TREM2: variants seen among roughly 807,000 people sequenced by gnomAD.
TREM2 encodes the protein triggering receptor expressed on myeloid cells 2, also known as triggering receptor expressed on monocytes 2.
TREM2 carries 20 observed loss-of-function variants against 22.9 expected under a neutral mutation model. That is an observed-to-expected ratio of 0.87 (90% confidence interval 0.61 to 1.27). TREM2 has a LOEUF of 1.27. Among genes scored for constraint, TREM2 ranks in the 50% most tolerant of loss-of-function variants. The pLI is 0.00. For missense variants in TREM2, 267 were observed against 289.0 expected (o/e 0.92, Z 0.55); for synonymous variants, 111 against 120.9 (o/e 0.92, Z 0.54).
At position 41,161,343 on chromosome 6, in the gene TREM2, T is replaced by C. The variant is rs1409131974; in HGVS notation, c.311A>G (p.Asp104Gly). 5 of 1,614,192 alleles carry C rather than the reference T, an allele frequency of 3.1e-6. No homozygotes were observed. The highest frequency in any genetic ancestry group is 4.2e-6 in the Non-Finnish European group (5 of 1,180,036). The change falls in exon 2 of 5, where the codon GAT becomes GGT. Residue 104 changes from aspartate (D) to glycine (G), a missense_variant. Asp to Gly is a moderately conservative substitution (Grantham distance 94). Coordinates refer to ENST00000373113, the MANE Select transcript of TREM2 (RefSeq NM_018965.4). ...TITLRNLQPHDAGLYQCQSLH... is the reference protein window; with the variant it reads ...TITLRNLQPHGAGLYQCQSLH... ...GCTCTGGCACTGGTAGAGACCCGCA[T>C]CATGGGGTTGTAGATTCCGCAGCGT...
chr6:41,159,837 TC>T lies in TREM2; in HGVS notation c.436del (p.Glu146SerfsTer43). 1 of 1,613,982 alleles carries T rather than the reference TC, an allele frequency of 6.2e-7. No homozygotes were observed. Among genetic ancestry groups the T allele is most frequent in the Non-Finnish European group, 8.5e-7 (1 of 1,179,990 alleles). ...ATGGGCATCCTCGAAGCTCTCAGAC[TC>T]CCCGGGGAACCAGAGATCTCCAGCA... ...RDAGDLWFPG[E>X]SESFEDAHVE... On this transcript the variant is annotated frameshift_variant, in exon 3 of 5. Transcript: ENST00000373113. LOFTEE classifies it high-confidence loss of function.
At chr6:41,158,844 C>CCCTTGATG in intron 4 of TREM2, 29 bp downstream of exon 4, 1 of 1,614,234 alleles carries the variant, frequency 6.2e-7, no homozygotes, top group East Asian at 2.2e-5. Flanking sequence ...GCCCAGTCCA[C>CCCTTGATG]CCTTGATGGC....
intron 3 of TREM2, 130 bp from the exon 4 acceptor site, chr6:41,159,196 G>T: frequency 8.8e-7 from 1 of 1,139,284 alleles, no homozygotes. Context: ...TCCCTGGGAT[G>T]GGCCTTTTTG....
Position 41,162,978 on chromosome 6 carries a change from C to T in TREM2, c.40+65G>A, listed in dbSNP as rs543651686. The T allele has an allele frequency of 2.4e-4, 388 of 1,610,626 alleles. 3 individuals are homozygous for T. The South Asian group carries it at 3.8e-3, about 16-fold the overall frequency. On this transcript the variant is annotated intron_variant, in intron 1 of 4. Coordinates refer to ENST00000373113, the MANE Select transcript of TREM2 (RefSeq NM_018965.4). ...ATAATTCACCCCAGGGCCCACCACC[C>T]GCGCCCCAACCACATGCTCAAAGTG...
chr6:41,160,001 CA>C lies in TREM2; in HGVS notation c.392-120del. ...CCCTGGGCACTGGTCCTATGTGGAT[CA>C]GGTCATTACACTCCATAAGCCTCAG... On this transcript the variant is annotated intron_variant, in intron 2 of 4. Coordinates refer to ENST00000373113, the MANE Select transcript of TREM2 (RefSeq NM_018965.4). 4 of 740,986 alleles carry C rather than the reference CA, an allele frequency of 5.4e-6. No homozygotes were observed. In the Admixed American group the frequency reaches 6.1e-5, roughly 11 times the overall value. 45.9% of individuals were successfully genotyped at this position (740,986 alleles called of 1,614,324 possible). A position where few individuals can be genotyped will look rare whatever the true frequency, so the allele number is the denominator to read the frequency against.
intron 1 of TREM2, among the ~76,000 whole-genome samples, chr6:41,162,462 G>T: frequency 6.6e-6 from 1 of 152,174 alleles, no homozygotes; most frequent in Non-Finnish European, 1.5e-5. Flanking sequence ...TGCTCTGGGG[G>T]AGCAAAAGGT....
chr6:41,158,684 TG>T lies in TREM2; in HGVS notation c.*79del. On this transcript the variant is annotated 3_prime_UTR_variant, in exon 5 of 5. Coordinates refer to ENST00000373113, the MANE Select transcript of TREM2 (RefSeq NM_018965.4). ...CTTGCCAGAGCAGAACAAGGAGTCC[TG>T]GTGGCCAAGTGGCAAGTATGCAGGC... The T allele has an allele frequency of 6.2e-7, 1 of 1,613,874 alleles. No homozygotes were observed. Among genetic ancestry groups the T allele is most frequent in the South Asian group, 1.1e-5 (1 of 90,990 alleles).
Position 41,158,690 on chromosome 6 carries a change from C to A in TREM2, c.*74G>T, listed in dbSNP as rs749732493. The A allele has an allele frequency of 6.2e-7, 1 of 1,613,988 alleles. No homozygotes were observed. Among genetic ancestry groups the A allele is most frequent in the Non-Finnish European group, 8.5e-7 (1 of 1,179,942 alleles). The stretch of plus-strand genomic sequence containing the variant: ...AGAGCAGAACAAGGAGTCCTGGTGG[C>A]CAAGTGGCAAGTATGCAGGCTGGGC... On this transcript the variant is annotated 3_prime_UTR_variant, in exon 5 of 5. Coordinates refer to ENST00000373113, the MANE Select transcript of TREM2 (RefSeq NM_018965.4).
At chr6:41,161,715 CT>C in intron 1 of TREM2, 102 bp from the exon 2 acceptor site, 1 of 990,060 alleles carries the variant, frequency 1.0e-6, no homozygotes, top group African/African-American at 1.6e-5. Flanking sequence ...CCTGAAGGAG[CT>C]TAGGTTCTTA....
chr6:41,161,603 T>C lies in TREM2; in HGVS notation c.51A>G (p.Gly17=), dbSNP rs553407586. ...LILLFVTELS[G]AHNTTVFQGV... Reference sequence around the variant, plus strand: ...CCTGGAACACTGTGGTGTTGTGGGCTCCGGACAGCTCTGGGGAGGAGACAT... The same window carrying C: ...CCTGGAACACTGTGGTGTTGTGGGCCCCGGACAGCTCTGGGGAGGAGACAT... Residue 17 remains glycine, a synonymous_variant, in exon 2 of 5, where the codon GGA becomes GGG. Transcript: ENST00000373113. 2 of 1,613,534 alleles carry C rather than the reference T, an allele frequency of 1.2e-6. No individual in the cohort carries two copies. The highest frequency in any genetic ancestry group is 1.3e-5 in the African/African-American group (1 of 75,064).
chr6:41,161,700 C>G, intron 1 of TREM2, 87 bp from the exon 2 acceptor site: 1 of 1,201,946 alleles, frequency 8.3e-7, no homozygotes, highest in Non-Finnish European at 1.2e-6. Context: ...AGACAAAAAT[C>G]CTGCCCTGAA....
intron 3 of TREM2, 126 bp from the exon 4 acceptor site, chr6:41,159,192 G>A: frequency 8.3e-7 from 1 of 1,208,692 alleles, no homozygotes; most frequent in South Asian, 1.3e-5. Flanking sequence ...ACCATCCCTG[G>A]GATGGGCCTT....
At chr6:41,160,208 C>A (rs928825626) in intron 2 of TREM2, among the ~76,000 whole-genome samples, 2 of 152,148 alleles carry the variant, frequency 1.3e-5, no homozygotes, top group African/African-American at 4.8e-5. Context: ...ACTTGAAAAT[C>A]CTATCTAAAC....
At chr6:41,160,556 T>G (rs1337188824) in intron 2 of TREM2, among the ~76,000 whole-genome samples, 1 of 151,884 alleles carries the variant, frequency 6.6e-6, no homozygotes, top group Non-Finnish European at 1.5e-5. Flanking sequence ...TGCGCAGAGC[T>G]CGGGGGTGGA....
At chr6:41,161,231 G>A (rs779835105) in intron 2 of TREM2, 32 bp downstream of exon 2, 8 of 1,594,444 alleles carry the variant, frequency 5.0e-6, no homozygotes, top group African/African-American at 1.3e-5. Context: ...TGGAACAGGG[G>A]CAGGCCAGAG....
intron 1 of TREM2, 97 bp from the exon 2 acceptor site, chr6:41,161,710 A>G: frequency 9.6e-7 from 1 of 1,044,402 alleles, no homozygotes; most frequent in Non-Finnish European, 1.4e-6. Context: ...CCTGCCCTGA[A>G]GGAGCTTAGG....
At position 41,158,723 on chromosome 6, in the gene TREM2, T is replaced by C. The variant is rs2113876851; in HGVS notation, c.*41A>G. 1.2e-6 allele frequency: 2 copies of C among 1,614,240 alleles called. No individual in the cohort carries two copies. Among genetic ancestry groups the C allele is most frequent in the East Asian group, 2.2e-5 (1 of 44,888 alleles). Reference sequence around the variant, plus strand: ...CAAGTATGCAGGCTGGGCTGGTCCCTGGTGGGACTTCTCCTGGGCTTTTCC... The same window carrying C: ...CAAGTATGCAGGCTGGGCTGGTCCCCGGTGGGACTTCTCCTGGGCTTTTCC... On this transcript the variant is annotated 3_prime_UTR_variant, in exon 5 of 5. Coordinates refer to ENST00000373113, the MANE Select transcript of TREM2 (RefSeq NM_018965.4).
Position 41,161,337 on chromosome 6 carries a change from C to A in TREM2, c.317G>T (p.Gly106Val). The change falls in exon 2 of 5, where the codon GGT becomes GTT. Residue 106 changes from glycine (G) to valine (V), a missense_variant. Physicochemically the swap from Gly to Val is moderately radical, Grantham distance 109 (BLOSUM62 -3). Transcript: ENST00000373113. ...TLRNLQPHDA[G>V]LYQCQSLHGS... is the part of the protein sequence containing the mutation. Reference sequence around the variant, plus strand: ...ATGGAGGCTCTGGCACTGGTAGAGACCCGCATCATGGGGTTGTAGATTCCG... The same window carrying A: ...ATGGAGGCTCTGGCACTGGTAGAGAACCGCATCATGGGGTTGTAGATTCCG... The A allele has an allele frequency of 1.2e-6, 2 of 1,614,232 alleles. No individual in the cohort carries two copies. The highest frequency in any genetic ancestry group is 1.7e-6 in the Non-Finnish European group (2 of 1,180,042).
At chr6:41,159,224 A>G (rs1050913821) in intron 3 of TREM2, 158 bp from the exon 4 acceptor site, 2 of 854,078 alleles carry the variant, frequency 2.3e-6, no homozygotes, top group Admixed American at 2.3e-5. Context: ...GGGAGCCCAT[A>G]GTCAAGAGAC....
Sources: allele counts gnomAD v4.1 joint callset (sites outside exome capture counted in the v4.1 genomes callset), GRCh38; gene constraint gnomAD v4.1.1; transcripts MANE v1.5; gene names NCBI Gene and HGNC (gene_info 2026-07-23, HGNC 2026-07-21).